Variants in FLNB observed in about 807,000 individuals in gnomAD.
FLNB encodes filamin B.
In FLNB, 111 loss-of-function variants were observed where a neutral mutation model predicts 250.6. The ratio of observed to expected loss-of-function variants is 0.44; its 90% CI spans 0.38 to 0.52. The LOEUF (loss-of-function observed/expected upper bound fraction) is 0.52, where lower values mean the gene tolerates loss of function less well. Among genes scored for constraint, FLNB ranks in the 20% least tolerant of loss-of-function variants. The pLI, the probability that FLNB is intolerant of heterozygous loss-of-function variation, is 0.00. For missense variants in FLNB, 2,869 were observed against 3,447.8 expected, an observed-to-expected ratio of 0.83 and a Z score of 4.20; for synonymous variants, 1,302 against 1,372.1, an observed-to-expected ratio of 0.95 and a Z score of 1.13.
chr3:58,028,650 G>A (rs1290786443), intron 1 of FLNB, among the ~76,000 whole-genome samples: 3 of 138,800 alleles, frequency 2.2e-5, no homozygotes, highest in Non-Finnish European at 4.7e-5. Context: ...TTTCGCTCTT[G>A]TTGCCCAGGC....
intron 1 of FLNB, among the ~76,000 whole-genome samples, chr3:58,045,920 A>G (rs2097153207): frequency 6.7e-6 from 1 of 149,106 alleles, no homozygotes; most frequent in Non-Finnish European, 1.5e-5. Context: ...TAATCCCTTG[A>G]ACCCAGGAGG....
intron 18 of FLNB, among the ~76,000 whole-genome samples, chr3:58,115,758 G>A (rs1057137611): frequency 1.3e-5 from 2 of 149,506 alleles, no homozygotes; most frequent in East Asian, 2.1e-4. Context: ...CCACCAAGTG[G>A]CAACATCCAA....
At chr3:58,154,373 T>C (rs1309640881) in intron 39 of FLNB, among the ~76,000 whole-genome samples, 1 of 152,182 alleles carries the variant, frequency 6.6e-6, no homozygotes, top group Non-Finnish European at 1.5e-5. Context: ...TGAAACCCCA[T>C]CTTTACTAAA....
chr3:58,118,776 T>C, intron 18 of FLNB, 96 bp from the exon 19 acceptor site: 2 of 872,080 alleles, frequency 2.3e-6, no homozygotes. Context: ...AAGTCTCCCC[T>C]GTCCGTGAGA....
chr3:58,116,675 A>C (rs1407212465), intron 18 of FLNB, among the ~76,000 whole-genome samples: 1 of 152,182 alleles, frequency 6.6e-6, no homozygotes, highest in Non-Finnish European at 1.5e-5. Context: ...GGACCCTCCC[A>C]GAGGTCAAAG....
At chr3:58,044,058 T>C (rs2097149984) in intron 1 of FLNB, among the ~76,000 whole-genome samples, 2 of 152,172 alleles carry the variant, frequency 1.3e-5, no homozygotes, top group Admixed American at 6.5e-5. Context: ...GCTGTTTACA[T>C]TTCACTCGGT....
At chr3:58,163,489 G>A (rs1197859199) in intron 43 of FLNB, 159 bp downstream of exon 43, 2 of 703,660 alleles carry the variant, frequency 2.8e-6, no homozygotes, top group African/African-American at 3.6e-5. Context: ...AAGCTGTTTT[G>A]GGAGTTGCGG....
At chr3:58,072,179 A>G (rs1272062000) in intron 1 of FLNB, among the ~76,000 whole-genome samples, 1 of 152,212 alleles carries the variant, frequency 6.6e-6, no homozygotes, top group Non-Finnish European at 1.5e-5. Context: ...GAGAAAATGT[A>G]TGTGGTTTGA....
intron 3 of FLNB, 151 bp downstream of exon 3, chr3:58,078,965 CATA>C (rs2097205368): frequency 3.0e-6 from 2 of 658,814 alleles, no homozygotes; most frequent in South Asian, 1.7e-5. Context: ...TCAGTTTACC[CATA>C]ATAATAGTAG....
chr3:58,057,029 G>A (rs540067704), intron 1 of FLNB, among the ~76,000 whole-genome samples: 8 of 152,236 alleles, frequency 5.3e-5, no homozygotes, highest in African/African-American at 1.9e-4. Flanking sequence ...ACCCAGGCTG[G>A]CGTGCAGTGG....
intron 1 of FLNB, among the ~76,000 whole-genome samples, chr3:58,038,417 T>C (rs925761723): frequency 2.0e-5 from 3 of 150,934 alleles, no homozygotes; most frequent in Non-Finnish European, 4.4e-5. Context: ...CTTGTCAGAA[T>C]CTGATTGTTT....
chr3:58,144,771 G>T (rs1005633630), intron 32 of FLNB, among the ~76,000 whole-genome samples: 4 of 152,228 alleles, frequency 2.6e-5, no homozygotes, highest in Admixed American at 6.5e-5. Context: ...GTAGAATATG[G>T]TATCAAATTT....
At chr3:58,146,222 C>G (rs1257742826) in intron 33 of FLNB, among the ~76,000 whole-genome samples, 173 bp downstream of exon 33, 4 of 152,228 alleles carry the variant, frequency 2.6e-5, no homozygotes, top group African/African-American at 9.7e-5. Context: ...TCTACCCAGA[C>G]AGACATTTTT....
chr3:58,071,428 A>G (rs1192642544), intron 1 of FLNB, among the ~76,000 whole-genome samples: 1 of 151,656 alleles, frequency 6.6e-6, no homozygotes, highest in Non-Finnish European at 1.5e-5. Context: ...ACAGGCACAC[A>G]CCACCATGCC....
intron 19 of FLNB, among the ~76,000 whole-genome samples, chr3:58,120,014 G>T (rs978677192): frequency 1.3e-5 from 2 of 152,218 alleles, no homozygotes; most frequent in Non-Finnish European, 1.5e-5. Flanking sequence ...ACATTCACCT[G>T]GTTTCAGGCT....
rs572270653 is a variant in FLNB at position 58,047,496 on chromosome 3, G to C, written c.293-29550G>C. Reference sequence around the variant, plus strand: ...GCCAACTCTTATATAACCTTCCCCAGAGCCTCCAATTGTTAATGTTTTGCC... The same window carrying C: ...GCCAACTCTTATATAACCTTCCCCACAGCCTCCAATTGTTAATGTTTTGCC... On this transcript the variant is annotated intron_variant, in intron 1 of 45. Transcript: ENST00000295956. Among the ~76,000 whole-genome samples, 253 of 151,982 alleles carry C rather than the reference G, an allele frequency of 1.7e-3. 2 individuals carry two copies. The highest frequency in any genetic ancestry group is 5.9e-3 in the African/African-American group (244 of 41,436).
At chr3:58,022,094 G>A (rs773503950) in intron 1 of FLNB, among the ~76,000 whole-genome samples, 7 of 152,266 alleles carry the variant, frequency 4.6e-5, no homozygotes, top group Non-Finnish European at 7.4e-5. Flanking sequence ...TTACTGAGCC[G>A]TATTGGTGTT....
chr3:58,150,060 C>T, intron 37 of FLNB, 45 bp from the exon 38 acceptor site: 1 of 1,614,282 alleles, frequency 6.2e-7, no homozygotes, highest in Non-Finnish European at 8.5e-7. Flanking sequence ...AAATGCTGTG[C>T]CTTGGCCTCT....
intron 4 of FLNB, among the ~76,000 whole-genome samples, chr3:58,093,092 A>G (rs2097230960): frequency 6.6e-6 from 1 of 152,182 alleles, no homozygotes; most frequent in Non-Finnish European, 1.5e-5. Context: ...AGAAGGTCCC[A>G]TTACCCCTTC....
Sources: allele counts gnomAD v4.1 joint callset (sites outside exome capture counted in the v4.1 genomes callset), GRCh38; gene constraint gnomAD v4.1.1; transcripts MANE v1.5; gene names NCBI Gene and HGNC (gene_info 2026-07-23, HGNC 2026-07-21).